FGF12: variants seen among roughly 807,000 people sequenced by gnomAD.
FGF12 encodes fibroblast growth factor 12.
Under a neutral mutation model 23.6 loss-of-function variants are expected in FGF12, and 14 were observed. That is an observed-to-expected ratio of 0.59 (90% CI 0.39 to 0.93). The LOEUF (loss-of-function observed/expected upper bound fraction) is 0.93, where lower values mean the gene tolerates loss of function less well. Ranked by LOEUF, FGF12 falls within the 40% of genes least tolerant of loss-of-function variation. The pLI is 0.00. For missense variants in FGF12, 175 were observed against 217.8 expected (o/e 0.80, Z 1.24); for synonymous variants, 62 against 77.3 (o/e 0.80, Z 1.04).
intron 2 of FGF12, among the ~76,000 whole-genome samples, chr3:192,639,477 C>T (rs1381486236): frequency 1.3e-5 from 2 of 152,204 alleles, no homozygotes; most frequent in East Asian, 1.9e-4. Context: ...ATGAACTCAC[C>T]ACCTTGTAAA....
intron 2 of FGF12, among the ~76,000 whole-genome samples, chr3:192,718,887 A>T (rs1718945807): frequency 6.6e-6 from 1 of 152,216 alleles, no homozygotes; most frequent in East Asian, 1.9e-4. Context: ...TATTTTCTGT[A>T]GAAGTTAAGC....
At chr3:192,583,280 A>G (rs926655606) in intron 2 of FGF12, among the ~76,000 whole-genome samples, 3 of 152,170 alleles carry the variant, frequency 2.0e-5, no homozygotes, top group African/African-American at 7.2e-5. Flanking sequence ...AAAACATTGA[A>G]GGTACATAGG....
intron 5 of FGF12, among the ~76,000 whole-genome samples, chr3:192,159,769 TATTGGTATCCTGAAC>T (rs1294954519): frequency 2.0e-4 from 30 of 152,162 alleles, no homozygotes; most frequent in African/African-American, 6.8e-4. Context: ...GATGATTTGC[TATTGGTATCCTGAAC>T]ATAGAGGCTA....
At chr3:192,631,832 T>G (rs1715401076) in intron 2 of FGF12, among the ~76,000 whole-genome samples, 1 of 152,216 alleles carries the variant, frequency 6.6e-6, no homozygotes, top group South Asian at 2.1e-4. Context: ...ATTTAAAGCA[T>G]GGTCAGGAAT....
intron 4 of FGF12, among the ~76,000 whole-genome samples, chr3:192,296,839 C>T (rs575604259): frequency 8.5e-5 from 13 of 152,080 alleles, no homozygotes; most frequent in East Asian, 5.8e-4. Flanking sequence ...ATGTGGAGTA[C>T]TTAGTTTATA....
chr3:192,161,913 G>A (rs1447666605), intron 5 of FGF12, among the ~76,000 whole-genome samples: 1 of 152,118 alleles, frequency 6.6e-6, no homozygotes, highest in Non-Finnish European at 1.5e-5. Context: ...AACAACCTGT[G>A]TGTGGGAACA....
At chr3:192,552,859 C>G (rs1200218326) in intron 2 of FGF12, among the ~76,000 whole-genome samples, 1 of 151,978 alleles carries the variant, frequency 6.6e-6, no homozygotes, top group East Asian at 1.9e-4. Context: ...CCACTGCACC[C>G]CAGCCTGGGT....
Position 192,251,184 on chromosome 3 carries a change from C to T in FGF12, c.229-80528G>A, listed in dbSNP as rs80272201. Among the ~76,000 whole-genome samples the T allele has an allele frequency of 5.4e-3, 825 of 152,252 alleles. 4 individuals are homozygous for T. The highest frequency in any genetic ancestry group is 0.019 in the African/African-American group (804 of 41,548). ...GTCTGTTGATCAAATATTTCAGGGC[C>T]TTCAAACTCATATAACATGTTTCTC... On this transcript the variant is annotated intron_variant, in intron 4 of 5. Coordinates refer to ENST00000445105, the MANE Select transcript of FGF12 (RefSeq NM_004113.6).
chr3:192,158,430 TTTTC>T (rs1714635067), intron 5 of FGF12, among the ~76,000 whole-genome samples: 1 of 143,932 alleles, frequency 6.9e-6, no homozygotes, highest in African/African-American at 2.6e-5. Flanking sequence ...TCTTTTTCTT[TTTTC>T]TTTCTTTCTT....
rs1322638975 is a variant in FGF12, at chr3:192,408,251, A to T, written c.14-47713T>A. On this transcript the variant is annotated intron_variant, in intron 2 of 5. Coordinates refer to ENST00000445105, the MANE Select transcript of FGF12 (RefSeq NM_004113.6). The surrounding 1 kb of genome is among the most constrained non-coding windows in gnomAD (Gnocchi z 7.3). ...CTGCTCAGCGAGGGCCTCAGGCCCC[A>T]GCCTCTACTGCGCCCTCCGGCTTGC... 2 of 1,568,674 alleles carry T rather than the reference A, an allele frequency of 1.3e-6. No individual in the cohort carries two copies. Among genetic ancestry groups the T allele is most frequent in the Non-Finnish European group, 1.7e-6 (2 of 1,161,502 alleles).
chr3:192,470,331 C>A (rs961659341), intron 2 of FGF12, among the ~76,000 whole-genome samples: 5 of 152,060 alleles, frequency 3.3e-5, no homozygotes, highest in Admixed American at 6.6e-5. Flanking sequence ...CTTTGAAAAT[C>A]CAACATTGGC....
intron 2 of FGF12, among the ~76,000 whole-genome samples, chr3:192,554,203 A>G (rs983301820): frequency 6.6e-6 from 1 of 152,218 alleles, no homozygotes; most frequent in African/African-American, 2.4e-5. Context: ...ACAGAGGCCT[A>G]TGCCATTTGG....
chr3:192,370,222 C>G (rs1160009582), intron 2 of FGF12, among the ~76,000 whole-genome samples: 1 of 152,148 alleles, frequency 6.6e-6, no homozygotes, highest in African/African-American at 2.4e-5. Context: ...GATGTCCAAA[C>G]TTTTCTAATT....
At position 192,514,463 on chromosome 3, in the gene FGF12, G is replaced by T. The variant is rs1351849605; in HGVS notation, c.14-153925C>A. Among the ~76,000 whole-genome samples the T allele has an allele frequency of 6.6e-6, 1 of 152,214 alleles. No homozygotes were observed. The highest frequency in any genetic ancestry group is 1.5e-5 in the Non-Finnish European group (1 of 68,044). ...AGCCAACGCGCTCTCCCTACAAAGCGTCGATGACTTCAGGGATTTAAAAGA... is the reference window on the plus strand; with the variant it reads ...AGCCAACGCGCTCTCCCTACAAAGCTTCGATGACTTCAGGGATTTAAAAGA... On this transcript the variant is annotated intron_variant, in intron 2 of 5. Transcript: ENST00000445105. This position sits in a 1 kb window ranked among gnomAD's most constrained non-coding sequence, Gnocchi z 4.9.
chr3:192,233,532 C>T (rs1719132046), intron 4 of FGF12, among the ~76,000 whole-genome samples: 1 of 152,168 alleles, frequency 6.6e-6, no homozygotes, highest in African/African-American at 2.4e-5. Flanking sequence ...TTTTGCTATG[C>T]AGAAGATCTT....
At chr3:192,624,261 G>C (rs1048601693) in intron 2 of FGF12, among the ~76,000 whole-genome samples, 13 of 151,918 alleles carry the variant, frequency 8.6e-5, no homozygotes, top group Non-Finnish European at 1.5e-4. Flanking sequence ...AATAAGGCTG[G>C]TATGTGCAGA....
At chr3:192,298,336 A>G (rs894301930) in intron 4 of FGF12, among the ~76,000 whole-genome samples, 5 of 152,260 alleles carry the variant, frequency 3.3e-5, no homozygotes, top group African/African-American at 1.2e-4. Flanking sequence ...AAAGACAACA[A>G]TAGAAGAACA....
Position 192,336,108 on chromosome 3 carries a change from T to TATAC in FGF12, c.125-645_125-644insGTAT. On this transcript the variant is annotated intron_variant, in intron 3 of 5. Coordinates refer to ENST00000445105, the MANE Select transcript of FGF12 (RefSeq NM_004113.6). The surrounding 1 kb of genome is among the most constrained non-coding windows in gnomAD (Gnocchi z 4.3). The stretch of plus-strand genomic sequence containing the variant: ...ATATATTTTATATCCAGGTGGGAAA[T>TATAC]ACACACACACACACACACACACACA... Among the ~76,000 whole-genome samples, 1 of 144,048 alleles carries TATAC rather than the reference T, an allele frequency of 6.9e-6. No homozygotes were observed. The highest frequency in any genetic ancestry group is 2.2e-4 in the South Asian group (1 of 4,512). 94.5% of individuals were successfully genotyped at this position (144,048 alleles called of 152,430 possible).
At chr3:192,170,343 C>G in intron 5 of FGF12, 115 bp downstream of exon 5, 1 of 729,088 alleles carries the variant, frequency 1.4e-6, no homozygotes, top group South Asian at 1.8e-5. Flanking sequence ...TCTTTTGAAT[C>G]TTTCTTCTGA....
Sources: gnomAD v4.1 joint callset for allele counts (sites outside exome capture counted in the v4.1 genomes callset) on GRCh38, gnomAD v4.1.1 for gene constraint, Gnocchi (gnomAD v3.1) non-coding constraint, MANE v1.5 for transcripts, NCBI Gene and HGNC (gene_info 2026-07-23, HGNC 2026-07-21) for gene names.